The following FOXP2 variants were observed in gnomAD, a reference collection of about 807,000 sequenced individuals.
The protein encoded by FOXP2 is forkhead box protein P2.
A neutral mutation model predicts 115.8 loss-of-function variants in FOXP2; 12 were observed. That is an observed-to-expected ratio of 0.10 (90% confidence interval 0.07 to 0.17). The LOEUF (loss-of-function observed/expected upper bound fraction) is 0.17. Ranked by LOEUF, FOXP2 falls within the 10% of genes least tolerant of loss-of-function variation. FOXP2 has a pLI of 1.00. For missense variants in FOXP2, 629 were observed against 843.5 expected, an observed-to-expected ratio of 0.75 and a Z score of 3.15; for synonymous variants, 328 against 297.7, an observed-to-expected ratio of 1.10 and a Z score of -1.05.
At chr7:114,513,791 A>G (rs1036543191) in intron 2 of FOXP2, among the ~76,000 whole-genome samples, 1 of 152,138 alleles carries the variant, frequency 6.6e-6, no homozygotes, top group African/African-American at 2.4e-5. Flanking sequence ...AGAATCTTGC[A>G]TAATATAATT....
At chr7:114,581,141 C>T (rs554184302) in intron 3 of FOXP2, among the ~76,000 whole-genome samples, 1 of 148,416 alleles carries the variant, frequency 6.7e-6, no homozygotes, top group East Asian at 2.0e-4. Context: ...TTGCTTCTAT[C>T]TTCTTCCGTT....
chr7:114,090,373 T>A (rs570569827), intron 1 of FOXP2, among the ~76,000 whole-genome samples: 65 of 152,020 alleles, frequency 4.3e-4, no homozygotes, highest in African/African-American at 1.2e-3. Context: ...AGTTGTCTTA[T>A]TCATAAATGA....
Position 114,658,196 on chromosome 7 carries a change from C to T in FOXP2, c.1397C>T (p.Pro466Leu), listed in dbSNP as rs771438075. ...PITQGPSVIT[P>L]ASVPNVGAIR... is the part of the protein sequence containing the mutation. Reference sequence around the variant, plus strand: ...ACCCAGGGACCCTCAGTAATCACCCCAGCCAGTGTGCCCAATGTGGGAGCC... The same window carrying T: ...ACCCAGGGACCCTCAGTAATCACCCTAGCCAGTGTGCCCAATGTGGGAGCC... Residue 466 changes from proline to leucine, a missense_variant, in exon 11 of 17, where the codon CCA (proline) becomes CTA (leucine). Around this residue, in one of 9 missense-constraint regions of FOXP2, gnomAD observed 101 missense variants for 116.0 expected, o/e 0.87. Transcript: ENST00000350908. 6.2e-7 allele frequency: 1 copy of T among 1,613,844 alleles called. No individual in the cohort carries two copies. The highest frequency in any genetic ancestry group is 8.5e-7 in the Non-Finnish European group (1 of 1,179,880).
chr7:114,172,629 G>C (rs1407958501), intron 1 of FOXP2, among the ~76,000 whole-genome samples: 2 of 152,014 alleles, frequency 1.3e-5, no homozygotes, highest in Non-Finnish European at 2.9e-5. Context: ...GGAACTCTCT[G>C]TACTTTCTTC....
At chr7:114,342,097 C>T (rs1487808826) in intron 2 of FOXP2, among the ~76,000 whole-genome samples, 1 of 151,386 alleles carries the variant, frequency 6.6e-6, no homozygotes, top group Non-Finnish European at 1.5e-5. Context: ...CTCATTGATT[C>T]ACAAAGTTTT....
chr7:114,159,334 A>T (rs1485402032), upstream of FOXP2, among the ~76,000 whole-genome samples: 1 of 152,176 alleles, frequency 6.6e-6, no homozygotes, highest in East Asian at 1.9e-4. Flanking sequence ...CAGCTAGGTT[A>T]TTCCTGTCCT....
chr7:114,459,891 C>T (rs1795487539), intron 2 of FOXP2, among the ~76,000 whole-genome samples: 1 of 152,204 alleles, frequency 6.6e-6, no homozygotes. Context: ...TCTGGGATTA[C>T]AGGCCTGAGC....
At chr7:114,688,068 G>A (rs1171038432) in intron 16 of FOXP2, among the ~76,000 whole-genome samples, 1 of 150,710 alleles carries the variant, frequency 6.6e-6, no homozygotes, top group Non-Finnish European at 1.5e-5. Flanking sequence ...AAAGCCATTT[G>A]TGAAGTAAAA....
intron 2 of FOXP2, among the ~76,000 whole-genome samples, chr7:114,408,943 A>G (rs1793101633): frequency 6.6e-6 from 1 of 151,978 alleles, no homozygotes. Context: ...AACCCTTCCT[A>G]TCTCTTTTGC....
intron 1 of FOXP2, among the ~76,000 whole-genome samples, chr7:114,223,152 CAT>C (rs1258714585): frequency 2.0e-5 from 3 of 152,100 alleles, no homozygotes; most frequent in Non-Finnish European, 4.4e-5. Flanking sequence ...ACAGGGTACA[CAT>C]GTTTAGATTT....
At chr7:114,325,718 A>G (rs750673197) in intron 2 of FOXP2, among the ~76,000 whole-genome samples, 3 of 152,084 alleles carry the variant, frequency 2.0e-5, no homozygotes, top group Non-Finnish European at 2.9e-5. Flanking sequence ...ATAGGAATGG[A>G]TCACAGAAAT....
At chr7:114,204,517 T>C (rs1177966645) in intron 1 of FOXP2, among the ~76,000 whole-genome samples, 1 of 152,186 alleles carries the variant, frequency 6.6e-6, no homozygotes, top group African/African-American at 2.4e-5. Context: ...TGGTAAGTTA[T>C]TTATGGTCTC....
chr7:114,223,953 A>G (rs1345645025), intron 1 of FOXP2, among the ~76,000 whole-genome samples: 1 of 152,060 alleles, frequency 6.6e-6, no homozygotes, highest in Non-Finnish European at 1.5e-5. Flanking sequence ...ATGTTCTTAT[A>G]AAGGCTTCAA....
rs555261168 is a variant in FOXP2, at chr7:114,652,591, C to A, written c.1182+301C>A. Among the ~76,000 whole-genome samples, 4 of 152,144 alleles carry A rather than the reference C, an allele frequency of 2.6e-5. No homozygotes were observed. In the East Asian group the frequency reaches 7.7e-4, roughly 29 times the overall value. ...TCCCAATGCAGGTTAGACCAAACTC[C>A]CAATTAGATATGATTTTATTACAGA... On this transcript the variant is annotated intron_variant, in intron 9 of 16. Transcript: ENST00000350908.
intron 1 of FOXP2, among the ~76,000 whole-genome samples, chr7:114,095,601 A>T (rs187296500): frequency 4.6e-5 from 7 of 152,262 alleles, no homozygotes; most frequent in Admixed American, 2.6e-4. Flanking sequence ...TCACATTAGG[A>T]TTAAGAAACA....
chr7:114,560,704 A>G (rs1186877795), intron 3 of FOXP2, among the ~76,000 whole-genome samples: 1 of 152,232 alleles, frequency 6.6e-6, no homozygotes, highest in African/African-American at 2.4e-5. Flanking sequence ...AATGAGGGCA[A>G]GATCATGACT....
intron 2 of FOXP2, among the ~76,000 whole-genome samples, chr7:114,485,147 G>A (rs905869650): frequency 3.3e-5 from 5 of 151,814 alleles, no homozygotes; most frequent in East Asian, 1.9e-4. Context: ...TGAAATGAAA[G>A]CATTGCTTTT....
At chr7:114,595,000 C>T (rs754890856) in intron 3 of FOXP2, among the ~76,000 whole-genome samples, 1 of 151,950 alleles carries the variant, frequency 6.6e-6, no homozygotes, top group Non-Finnish European at 1.5e-5. Flanking sequence ...TTTCAAACCT[C>T]GTACTTCACC....
intron 16 of FOXP2, among the ~76,000 whole-genome samples, chr7:114,687,654 C>T (rs555838876): frequency 6.6e-6 from 1 of 152,218 alleles, no homozygotes; most frequent in East Asian, 1.9e-4. Flanking sequence ...AGTCTAGACT[C>T]ATTTGTCTCT....
Sources: allele counts gnomAD v4.1 joint callset (sites outside exome capture counted in the v4.1 genomes callset), GRCh38; gene constraint gnomAD v4.1.1; regional missense constraint gnomAD v4.1.1; transcripts MANE v1.5; gene names NCBI Gene and HGNC (gene_info 2026-07-23, HGNC 2026-07-21).